C3orf20: variants seen among roughly 807,000 people sequenced by gnomAD.
C3orf20 encodes uncharacterized protein C3orf20.
Under a neutral mutation model 88.3 loss-of-function variants are expected in C3orf20, and 76 were observed. That is an observed-to-expected ratio of 0.86 (90% CI 0.72 to 1.04). C3orf20 has a LOEUF of 1.04. Among genes scored for constraint, C3orf20 ranks in the 50% least tolerant of loss-of-function variants. The probability of loss-of-function intolerance (pLI) is 0.00; values close to 1 mark genes in which losing one functional copy is unlikely to be tolerated. For missense variants in C3orf20, 1,056 were observed against 1,123.3 expected (o/e 0.94, Z 0.86); for synonymous variants, 436 against 437.4 (o/e 1.00, Z 0.04).
intron 7 of C3orf20, among the ~76,000 whole-genome samples, chr3:14,705,148 T>C (rs1241294533): frequency 6.6e-6 from 1 of 152,230 alleles, no homozygotes; most frequent in Non-Finnish European, 1.5e-5. Context: ...ACTGGGCTCA[T>C]GAGCATAGTG....
chr3:14,684,466 G>C (rs756036742), intron 4 of C3orf20, 84 bp downstream of exon 4: 5 of 1,531,076 alleles, frequency 3.3e-6, no homozygotes, highest in Non-Finnish European at 4.4e-6. Flanking sequence ...CCCCCAGTTT[G>C]AAGGTTTGAC....
intron 12 of C3orf20, among the ~76,000 whole-genome samples, chr3:14,730,318 C>T (rs1360544166): frequency 2.0e-5 from 3 of 152,078 alleles, no homozygotes; most frequent in Admixed American, 6.5e-5. Context: ...GAGGCCGAGG[C>T]GGGCAGATCA....
intron 11 of C3orf20, among the ~76,000 whole-genome samples, chr3:14,727,235 C>T (rs2034383145): frequency 6.6e-6 from 1 of 152,146 alleles, no homozygotes. Flanking sequence ...AGAATAGTGA[C>T]GTGAGCCCAC....
intron 9 of C3orf20, 57 bp from the exon 10 acceptor site, chr3:14,721,596 G>T (rs2034161996): frequency 3.1e-6 from 5 of 1,598,290 alleles, no homozygotes; most frequent in Non-Finnish European, 4.3e-6. Flanking sequence ...GGGTCAGGAA[G>T]GGGTGGCTGG....
At chr3:14,751,690 GACAA>G (rs372926727) in intron 12 of C3orf20, among the ~76,000 whole-genome samples, 18 of 152,066 alleles carry the variant, frequency 1.2e-4, no homozygotes, top group African/African-American at 3.4e-4. Context: ...ACCAAGAACA[GACAA>G]ACAGAGAGCC....
At chr3:14,738,687 G>A (rs1366226181) in intron 12 of C3orf20, among the ~76,000 whole-genome samples, 1 of 130,632 alleles carries the variant, frequency 7.7e-6, no homozygotes, top group African/African-American at 3.0e-5. Context: ...AGGCTGGAGT[G>A]CAATGGCACA....
intron 1 of C3orf20, among the ~76,000 whole-genome samples, chr3:14,675,912 G>A (rs573644080): frequency 6.6e-6 from 1 of 152,032 alleles, no homozygotes; most frequent in Admixed American, 6.6e-5. Context: ...GGCTGGTCTC[G>A]AGCTCCTGAC....
chr3:14,725,618 A>G (rs895921766), intron 10 of C3orf20, among the ~76,000 whole-genome samples: 1 of 152,226 alleles, frequency 6.6e-6, no homozygotes, highest in African/African-American at 2.4e-5. Context: ...AAGAATCAGA[A>G]GGATGGTTGA....
chr3:14,714,238 A>C (rs1409230767), intron 8 of C3orf20, 79 bp downstream of exon 8: 40 of 1,504,788 alleles, frequency 2.7e-5, no homozygotes, highest in Non-Finnish European at 3.3e-5. Flanking sequence ...GGTGACTACG[A>C]GTCCCTGGTT....
At chr3:14,696,939 G>A (rs910833755) in intron 5 of C3orf20, among the ~76,000 whole-genome samples, 5 of 152,084 alleles carry the variant, frequency 3.3e-5, no homozygotes, top group African/African-American at 1.2e-4. Flanking sequence ...ATTTTCACAA[G>A]ATATACTATT....
Position 14,682,961 on chromosome 3 carries a change from C to T in C3orf20, c.248C>T (p.Pro83Leu). ...FGAPLVVLME[P>L]TFVQVPTLKK... is the part of the protein sequence containing the mutation. ...GCCCCCCTGGTGGTGCTCATGGAAC[C>T]CACCTTTGTGCAGGTCCCCACACTG... The change falls in exon 3 of 17, where the codon CCC becomes CTC. Residue 83 changes from proline to leucine, a missense_variant. Physicochemically the swap from Pro to Leu is moderately conservative, Grantham distance 98. Coordinates refer to ENST00000253697, the MANE Select transcript of C3orf20 (RefSeq NM_032137.5). 3 of 1,614,176 alleles carry T rather than the reference C, an allele frequency of 1.9e-6. No individual in the cohort carries two copies. The highest frequency in any genetic ancestry group is 2.5e-6 in the Non-Finnish European group (3 of 1,180,026).
chr3:14,707,282 G>A lies in C3orf20; in HGVS notation c.1160+2664G>A, dbSNP rs1355818165. 2.7e-5 allele frequency among the ~76,000 whole-genome samples: 4 copies of A among 148,890 alleles called. No homozygotes were observed. The East Asian group carries it at 7.9e-4, about 29-fold the overall frequency. ...AAAAAAAAAAAGATACGTCTGCACT[G>A]GGAATATCATAAAGCTGTAAGCTAT... On this transcript the variant is annotated intron_variant, in intron 7 of 16. Coordinates refer to ENST00000253697, the MANE Select transcript of C3orf20 (RefSeq NM_032137.5).
chr3:14,696,371 C>CATTATTATT (rs141837445), intron 5 of C3orf20, among the ~76,000 whole-genome samples: 8,108 of 141,942 alleles, frequency 0.057, 317 homozygotes, highest in African/African-American at 0.1. Flanking sequence ...GTTGTGCTAT[C>CATTATTATT]ATTATTATTA....
intron 7 of C3orf20, among the ~76,000 whole-genome samples, chr3:14,710,239 GTCTT>G (rs763900469): frequency 1.1e-4 from 16 of 151,364 alleles, no homozygotes; most frequent in South Asian, 6.3e-4. Flanking sequence ...AGGAATTTGA[GTCTT>G]TCTTTTTTTT....
chr3:14,751,359 T>C (rs552802504), intron 12 of C3orf20, among the ~76,000 whole-genome samples: 46 of 152,278 alleles, frequency 3.0e-4, no homozygotes, highest in African/African-American at 9.9e-4. Context: ...GTACTCCTCA[T>C]TGGGACTGGT....
chr3:14,750,532 G>A (rs1072020), intron 12 of C3orf20, among the ~76,000 whole-genome samples: 4,585 of 149,308 alleles, frequency 0.031, 221 homozygotes, highest in African/African-American at 0.11. Flanking sequence ...TCCAGCCCAG[G>A]TAACAGAATG....
At chr3:14,763,007 A>G (rs1472676718) in intron 15 of C3orf20, among the ~76,000 whole-genome samples, 1 of 152,126 alleles carries the variant, frequency 6.6e-6, no homozygotes, top group African/African-American at 2.4e-5. Flanking sequence ...CAGAAAAGTC[A>G]CTGAGACCCC....
intron 6 of C3orf20, 28 bp downstream of exon 6, chr3:14,703,290 G>A: frequency 6.2e-7 from 1 of 1,613,056 alleles, no homozygotes; most frequent in Non-Finnish European, 8.5e-7. Context: ...TGGGTCGGGG[G>A]AGTCAAGGGT....
chr3:14,750,005 AAC>A, intron 12 of C3orf20, among the ~76,000 whole-genome samples: 1 of 151,984 alleles, frequency 6.6e-6, no homozygotes, highest in South Asian at 2.1e-4. Context: ...AGAAAAAAAA[AAC>A]AAAAAAGTTA....
Sources: allele counts gnomAD v4.1 joint callset (sites outside exome capture counted in the v4.1 genomes callset), GRCh38; gene constraint gnomAD v4.1.1; transcripts MANE v1.5; gene names NCBI Gene and HGNC (gene_info 2026-07-23, HGNC 2026-07-21).